The following PSMD12 variants were observed in gnomAD, a reference collection of about 807,000 sequenced individuals.
The protein encoded by PSMD12 is 26S proteasome non-ATPase regulatory subunit 12.
In PSMD12, 8 loss-of-function variants were observed where a neutral mutation model predicts 62.9. That is an observed-to-expected ratio of 0.13 (90% CI 0.07 to 0.23). The LOEUF (loss-of-function observed/expected upper bound fraction) is 0.23. Ranked by LOEUF, PSMD12 falls within the 10% of genes least tolerant of loss-of-function variation. The probability of loss-of-function intolerance (pLI) is 1.00; values close to 1 mark genes in which losing one functional copy is unlikely to be tolerated. For missense variants in PSMD12, 424 were observed against 550.2 expected (o/e 0.77, Z 2.29); for synonymous variants, 173 against 187.4 (o/e 0.92, Z 0.63).
chr17:67,350,412 G>A (rs2042006597), intron 3 of PSMD12, 76 bp from the exon 4 acceptor site: 4 of 1,090,348 alleles, frequency 3.7e-6, no homozygotes, highest in Non-Finnish European at 5.1e-6. Flanking sequence ...TGATCAAAGA[G>A]CAATGATCGA....
rs2041992310 is a variant in PSMD12, at chr17:67,348,796, G to A, written c.406-142C>T. On this transcript the variant is annotated intron_variant, in intron 4 of 10. Transcript: ENST00000356126. ...GAGGATCGCTTGAGTCCAGGAGTTTGAGACCAGCCTGGGAAACATGTTGAG... is the reference window on the plus strand; with the variant it reads ...GAGGATCGCTTGAGTCCAGGAGTTTAAGACCAGCCTGGGAAACATGTTGAG... 8 of 647,224 alleles carry A rather than the reference G, an allele frequency of 1.2e-5. No homozygotes were observed. In the South Asian group the frequency reaches 1.4e-4, roughly 11 times the overall value. 40.1% of individuals were successfully genotyped at this position (647,224 alleles called of 1,614,324 possible).
intron 4 of PSMD12, 101 bp downstream of exon 4, chr17:67,350,128 A>C (rs1327374154): frequency 4.2e-6 from 3 of 710,520 alleles, no homozygotes; most frequent in Admixed American, 3.7e-5. Context: ...TTCTTTAAAA[A>C]ATAAACATAA....
At chr17:67,352,877 T>C (rs536436553) in intron 3 of PSMD12, among the ~76,000 whole-genome samples, 3 of 152,212 alleles carry the variant, frequency 2.0e-5, no homozygotes, top group Non-Finnish European at 4.4e-5. Flanking sequence ...CAAGCAACCC[T>C]TATTATACTT....
Position 67,348,592 on chromosome 17 carries a change from A to G in PSMD12, c.468T>C (p.Asn156=). 1 of 1,613,800 alleles carries G rather than the reference A, an allele frequency of 6.2e-7. No homozygotes were observed. Among genetic ancestry groups the G allele is most frequent in the Non-Finnish European group, 8.5e-7 (1 of 1,179,962 alleles). The change falls in exon 5 of 11, where the codon AAT becomes AAC. Residue 156 remains asparagine, a synonymous_variant. Transcript: ENST00000356126. The part of the protein sequence containing the change: ...TKTLATIKEQ[N]GDVKEAASIL... ...TGGAGGCTGCCTCTTTCACATCACC[A>G]TTTTGTTCTTTTATAGTTGCTAATG...
chr17:67,365,976 T>C (rs111302722), intron 1 of PSMD12, among the ~76,000 whole-genome samples: 121 of 152,260 alleles, frequency 7.9e-4, no homozygotes, highest in African/African-American at 2.8e-3. Context: ...TTCCTGCCCC[T>C]TCTCCTGGCC....
chr17:67,348,172 A>G (rs538067687), intron 5 of PSMD12, among the ~76,000 whole-genome samples: 3 of 152,300 alleles, frequency 2.0e-5, no homozygotes, highest in Admixed American at 6.5e-5. Context: ...TATGGTAAGC[A>G]TATGTGTAAC....
chr17:67,348,380 A>T (rs1178602663), intron 5 of PSMD12, among the ~76,000 whole-genome samples, 170 bp downstream of exon 5: 1 of 152,198 alleles, frequency 6.6e-6, no homozygotes, highest in East Asian at 1.9e-4. Flanking sequence ...GCTAATGAGG[A>T]AATGACAATT....
intron 1 of PSMD12, 86 bp downstream of exon 1, chr17:67,366,326 G>A: frequency 7.7e-7 from 1 of 1,304,790 alleles, no homozygotes; most frequent in East Asian, 2.5e-5. Context: ...GCACGCTCCA[G>A]CCCGCAGGCC....
intron 1 of PSMD12, among the ~76,000 whole-genome samples, chr17:67,365,539 T>G (rs996387314): frequency 3.9e-5 from 6 of 152,186 alleles, no homozygotes; most frequent in Non-Finnish European, 8.8e-5. Flanking sequence ...CCCACCCTTA[T>G]GTAACTGATG....
chr17:67,361,921 A>G (rs1373463843), intron 1 of PSMD12, among the ~76,000 whole-genome samples: 23 of 118,448 alleles, frequency 1.9e-4, no homozygotes, highest in South Asian at 6.2e-4. Context: ...GAAGGAAGGA[A>G]GGGAGGGAGG....
chr17:67,357,628 T>C (rs765012438), intron 1 of PSMD12, 50 bp from the exon 2 acceptor site: 2 of 1,539,402 alleles, frequency 1.3e-6, no homozygotes, highest in African/African-American at 1.4e-5. Flanking sequence ...AAAATGCAAA[T>C]AACTAGTCTA....
intron 1 of PSMD12, among the ~76,000 whole-genome samples, 187 bp downstream of exon 1, chr17:67,366,225 A>G (rs2042177555): frequency 6.6e-6 from 1 of 152,190 alleles, no homozygotes; most frequent in South Asian, 2.1e-4. Context: ...GGGAAGCTAT[A>G]GGCGCTGGCG....
chr17:67,359,709 CT>C (rs1302094973), intron 1 of PSMD12, among the ~76,000 whole-genome samples: 4 of 152,086 alleles, frequency 2.6e-5, no homozygotes, highest in African/African-American at 9.7e-5. Flanking sequence ...TTAATTAAAT[CT>C]GAAATATGTG....
chr17:67,358,579 AAAAAAAAG>A (rs1227259622), intron 1 of PSMD12, among the ~76,000 whole-genome samples: 1 of 150,628 alleles, frequency 6.6e-6, no homozygotes, highest in Non-Finnish European at 1.5e-5. Flanking sequence ...AAAAAAAAAA[AAAAAAAAG>A]AAAAGAAAAA....
intron 3 of PSMD12, among the ~76,000 whole-genome samples, chr17:67,354,159 C>T (rs984039973): frequency 6.6e-6 from 1 of 152,154 alleles, no homozygotes; most frequent in Admixed American, 6.5e-5. Flanking sequence ...CCTGTAATCC[C>T]AGAACTTTGG....
rs1182104663 is a variant in PSMD12, at chr17:67,338,689, T to C, written c.*2154A>G. On this transcript the variant is annotated 3_prime_UTR_variant, in exon 11 of 11. Transcript: ENST00000356126. ...GCCAACATGATGAAACCATCTCTAC[T>C]AAAAACACAAAAATTAGCTAGGTGT... 1 of 152,062 alleles carries C rather than the reference T, an allele frequency of 6.6e-6. No homozygotes were observed. Among genetic ancestry groups the C allele is most frequent in the East Asian group, 1.9e-4 (1 of 5,184 alleles). 9.4% of individuals were successfully genotyped at this position (152,062 alleles called of 1,614,324 possible). A position where few individuals can be genotyped will look rare whatever the true frequency, so the allele number is the denominator to read the frequency against.
intron 3 of PSMD12, among the ~76,000 whole-genome samples, chr17:67,354,351 A>G (rs1421739695): frequency 6.6e-6 from 1 of 152,046 alleles, no homozygotes; most frequent in African/African-American, 2.4e-5. Context: ...TTGAGGCTGC[A>G]GTGAGCTATG....
chr17:67,345,930 TG>T, intron 7 of PSMD12, 73 bp from the exon 8 acceptor site: 1 of 1,346,152 alleles, frequency 7.4e-7, no homozygotes, highest in South Asian at 1.2e-5. Context: ...TGAACAATCA[TG>T]GAATAACTAT....
At chr17:67,354,128 G>A (rs567759648) in intron 3 of PSMD12, among the ~76,000 whole-genome samples, 10 of 152,338 alleles carry the variant, frequency 6.6e-5, no homozygotes, top group African/African-American at 2.4e-4. Flanking sequence ...CAGGGCCAGG[G>A]GCCAGGCACG....
Sources: allele counts gnomAD v4.1 joint callset (sites outside exome capture counted in the v4.1 genomes callset), GRCh38; gene constraint gnomAD v4.1.1; transcripts MANE v1.5; gene names NCBI Gene and HGNC (gene_info 2026-07-23, HGNC 2026-07-21).